CNST: variants seen among roughly 807,000 people sequenced by gnomAD.
CNST encodes the protein consortin, connexin sorting protein.
Under a neutral mutation model 72.4 loss-of-function variants are expected in CNST, and 39 were observed. The observed-to-expected ratio is 0.54, with a 90% CI of 0.42 to 0.70. The LOEUF is 0.70. Among genes scored for constraint, CNST ranks in the 30% least tolerant of loss-of-function variants. CNST has a pLI of 0.00. For missense variants in CNST, 871 were observed against 868.5 expected (o/e 1.00, Z -0.04); for synonymous variants, 332 against 320.1 (o/e 1.04, Z -0.40).
chr1:246,583,851 G>A (rs1232810854), intron 1 of CNST, among the ~76,000 whole-genome samples: 1 of 152,174 alleles, frequency 6.6e-6, no homozygotes, highest in Non-Finnish European at 1.5e-5. Flanking sequence ...CCCATTCAAA[G>A]GGCAACATTA....
Position 246,635,534 on chromosome 1 carries a change from A to G in CNST, c.818+947A>G, listed in dbSNP as rs1002373878. Among the ~76,000 whole-genome samples the G allele has an allele frequency of 8.5e-5, 13 of 152,206 alleles. No individual in the cohort carries two copies. The South Asian group carries it at 1.9e-3, about 22-fold the overall frequency. ...AAGCGATTTCTAGAACCGCTTTTCC[A>G]TTATCGTCTATGTTAAGACAGCAAT... On this transcript the variant is annotated intron_variant, in intron 6 of 10. Transcript: ENST00000366513.
At chr1:246,590,859 C>CTTTTTTTTTT (rs373861233) in intron 1 of CNST, among the ~76,000 whole-genome samples, 1 of 135,790 alleles carries the variant, frequency 7.4e-6, no homozygotes, top group Non-Finnish European at 1.6e-5. Context: ...TAACCATGGC[C>CTTTTTTTTTT]TTTTTTTTTT....
At chr1:246,632,859 TGTG>T (rs1168959066) in intron 4 of CNST, among the ~76,000 whole-genome samples, 1 of 152,194 alleles carries the variant, frequency 6.6e-6, no homozygotes, top group Non-Finnish European at 1.5e-5. Flanking sequence ...CCTTTGGTCT[TGTG>T]GGAGAAAAGC....
chr1:246,575,876 T>C (rs7538025), intron 1 of CNST, among the ~76,000 whole-genome samples: 5,234 of 152,132 alleles, frequency 0.034, 317 homozygotes, highest in African/African-American at 0.12. Context: ...TGATAAAAAA[T>C]AATATAAGCT....
At chr1:246,595,309 A>G (rs1448676460) in intron 2 of CNST, among the ~76,000 whole-genome samples, 2 of 152,128 alleles carry the variant, frequency 1.3e-5, no homozygotes, top group African/African-American at 4.8e-5. Context: ...CCACCCTAAG[A>G]ACTTGCTTCA....
At chr1:246,568,409 A>G (rs1392668447) in intron 1 of CNST, among the ~76,000 whole-genome samples, 1 of 152,020 alleles carries the variant, frequency 6.6e-6, no homozygotes, top group Non-Finnish European at 1.5e-5. Context: ...ATAATAAGAG[A>G]TTTTTGTACA....
rs552534598 is a variant in CNST at position 246,652,165 on chromosome 1, A to T, written c.1836+4128A>T. Among the ~76,000 whole-genome samples the T allele has an allele frequency of 2.3e-4, 35 of 152,350 alleles. 2 individuals are homozygous for T. The South Asian group carries it at 7.3e-3, about 32-fold the overall frequency. ...ACCCCCTTTACTCAGGAACCTGATCATGCAAATAAATCATGTGTTTGTTTG... is the reference window on the plus strand; with the variant it reads ...ACCCCCTTTACTCAGGAACCTGATCTTGCAAATAAATCATGTGTTTGTTTG... On this transcript the variant is annotated intron_variant, in intron 9 of 10. Coordinates refer to ENST00000366513, the MANE Select transcript of CNST (RefSeq NM_152609.3).
At chr1:246,623,260 G>A (rs1182722974) in intron 3 of CNST, among the ~76,000 whole-genome samples, 2 of 152,188 alleles carry the variant, frequency 1.3e-5, no homozygotes, top group East Asian at 3.8e-4. Context: ...GGCTGCAAGT[G>A]CCCAGCTTTA....
intron 10 of CNST, among the ~76,000 whole-genome samples, chr1:246,661,749 T>C (rs552516619): frequency 6.6e-6 from 1 of 152,290 alleles, no homozygotes; most frequent in Non-Finnish European, 1.5e-5. Flanking sequence ...ACAACTGCAT[T>C]GTTAAAATAA....
Position 246,655,701 on chromosome 1 carries a change from AT to A in CNST, c.1837-4494del, listed in dbSNP as rs765867611. Among the ~76,000 whole-genome samples the A allele has an allele frequency of 1.9e-4, 29 of 152,320 alleles. No homozygotes were observed. In the South Asian group the frequency reaches 2.1e-3, roughly 11 times the overall value. ...TTTTAATAGTCATAGAAAATAAGAT[AT>A]TTTCACATTAAGGAACTGGCAAGAG... On this transcript the variant is annotated intron_variant, in intron 9 of 10. Transcript: ENST00000366513.
intron 1 of CNST, among the ~76,000 whole-genome samples, chr1:246,578,119 TG>T (rs1275846807): frequency 3.9e-5 from 6 of 152,204 alleles, no homozygotes; most frequent in Non-Finnish European, 8.8e-5. Flanking sequence ...TTCATATGCC[TG>T]GGCTATGTTT....
chr1:246,661,117 A>G (rs1009033074), intron 10 of CNST, among the ~76,000 whole-genome samples: 1 of 152,038 alleles, frequency 6.6e-6, no homozygotes. Context: ...TTACAGGCAC[A>G]TGCCACCACG....
chr1:246,639,304 T>G (rs1010853700), intron 6 of CNST, among the ~76,000 whole-genome samples: 4 of 151,946 alleles, frequency 2.6e-5, no homozygotes, highest in African/African-American at 9.7e-5. Flanking sequence ...GTTTAAAGGC[T>G]TATGGAGAGG....
chr1:246,634,692 T>C lies in CNST; in HGVS notation c.818+105T>C, dbSNP rs925805101. Reference sequence around the variant, plus strand: ...TGTTTTATGTTTTCAACTGGAGAAATTAAGATGGATATAATATAATTATTG... The same window carrying C: ...TGTTTTATGTTTTCAACTGGAGAAACTAAGATGGATATAATATAATTATTG... On this transcript the variant is annotated intron_variant, in intron 6 of 10. Transcript: ENST00000366513. 7 of 677,328 alleles carry C rather than the reference T, an allele frequency of 1.0e-5. No homozygotes were observed. In the Admixed American group the frequency reaches 1.2e-4, roughly 11 times the overall value. 42.0% of individuals were successfully genotyped at this position (677,328 alleles called of 1,614,324 possible). A position where few individuals can be genotyped will look rare whatever the true frequency, so the allele number is the denominator to read the frequency against.
chr1:246,619,989 T>A (rs1272302134), intron 2 of CNST, among the ~76,000 whole-genome samples: 8 of 54,146 alleles, frequency 1.5e-4, no homozygotes, highest in Non-Finnish European at 1.8e-4. Flanking sequence ...CTGGGAACAC[T>A]CTACAGGGAG....
At chr1:246,664,708 G>C (rs1051715920) in intron 10 of CNST, among the ~76,000 whole-genome samples, 35 of 152,016 alleles carry the variant, frequency 2.3e-4, no homozygotes, top group African/African-American at 6.5e-4. Flanking sequence ...TTACAGGCGT[G>C]AGCCACCACA....
At chr1:246,607,411 A>G (rs1662942139) in intron 2 of CNST, 3 of 152,086 alleles carry the variant, frequency 2.0e-5, no homozygotes, top group Non-Finnish European at 1.5e-5. Flanking sequence ...ACGTCTGCTT[A>G]TGGTTTTTGT....
intron 1 of CNST, among the ~76,000 whole-genome samples, chr1:246,567,807 C>T (rs1438070707): frequency 1.3e-5 from 2 of 152,140 alleles, no homozygotes; most frequent in Non-Finnish European, 2.9e-5. Flanking sequence ...CTAGAGGTGA[C>T]TTTGCATCCT....
intron 9 of CNST, among the ~76,000 whole-genome samples, chr1:246,654,701 T>G (rs1466284161): frequency 6.6e-6 from 1 of 152,228 alleles, no homozygotes; most frequent in African/African-American, 2.4e-5. Context: ...TTTTTCTTAG[T>G]TCACTTATAA....
Sources: gnomAD v4.1 joint callset for allele counts (sites outside exome capture counted in the v4.1 genomes callset) on GRCh38, gnomAD v4.1.1 for gene constraint, MANE v1.5 for transcripts, NCBI Gene and HGNC (gene_info 2026-07-23, HGNC 2026-07-21) for gene names.